AKAP10: variants seen among roughly 807,000 people sequenced by gnomAD.
The protein encoded by AKAP10 is A-kinase anchoring protein 10.
A neutral mutation model predicts 80.8 loss-of-function variants in AKAP10; 24 were observed. The ratio of observed to expected loss-of-function variants is 0.30; its 90% CI spans 0.22 to 0.42. The LOEUF is 0.42. Ranked by LOEUF, AKAP10 falls within the 10% of genes least tolerant of loss-of-function variation. The pLI, the probability that AKAP10 is intolerant of heterozygous loss-of-function variation, is 1.00. For synonymous variants in AKAP10, 291 were observed against 277.7 expected (o/e 1.05, Z -0.48); for missense variants, 661 against 794.9 (o/e 0.83, Z 2.03).
In AKAP10 at chr17:19,940,887, C is replaced by T; in HGVS notation, c.1185G>A (p.Glu395=). Residue 395 remains glutamate (E), a splice_region_variant and synonymous_variant, in exon 7 of 15, where the codon GAG becomes GAA. Coordinates refer to ENST00000225737, the MANE Select transcript of AKAP10 (RefSeq NM_007202.4). ...GTGTGAAAAGAAATGCAGACTTTAC[C>T]TCAGAGAAATAAAAGAGGGCTGACT... The part of the protein sequence containing the change: ...FCESALFYFS[E]YMEKEDAVNI... 6.3e-7 allele frequency: 1 copy of T among 1,597,426 alleles called. No individual in the cohort carries two copies. Among genetic ancestry groups the T allele is most frequent in the Non-Finnish European group, 8.5e-7 (1 of 1,175,002 alleles).
chr17:19,913,105 G>A lies in AKAP10; in HGVS notation c.1835-3127C>T, dbSNP rs556200764. ...TGATTCTCCTCCCTCAGCCTCCCTA[G>A]TAGCTGGGATTACAGGTACTCGTAC... On this transcript the variant is annotated intron_variant, in intron 12 of 14. Transcript: ENST00000225737. Among the ~76,000 whole-genome samples the A allele has an allele frequency of 2.0e-5, 3 of 148,264 alleles. No individual in the cohort carries two copies. In the East Asian group the frequency reaches 6.0e-4, roughly 30 times the overall value.
At chr17:19,976,613 A>C (rs910231356) in intron 1 of AKAP10, among the ~76,000 whole-genome samples, 7 of 151,842 alleles carry the variant, frequency 4.6e-5, no homozygotes, top group Admixed American at 1.3e-4. Flanking sequence ...TCCGCCTCCC[A>C]GGTTCAAGCG....
intron 4 of AKAP10, among the ~76,000 whole-genome samples, chr17:19,953,541 A>T (rs1699482310): frequency 6.6e-6 from 1 of 152,178 alleles, no homozygotes; most frequent in Admixed American, 6.5e-5. Context: ...AACACCAGGA[A>T]TAAAAGAGGG....
chr17:19,955,632 C>A (rs1244434508), intron 4 of AKAP10, among the ~76,000 whole-genome samples: 1 of 151,990 alleles, frequency 6.6e-6, no homozygotes, highest in African/African-American at 2.4e-5. Flanking sequence ...GTCAGGAGTT[C>A]AAGACCAGCC....
intron 10 of AKAP10, 112 bp from the exon 11 acceptor site, chr17:19,924,629 C>T (rs866144415): frequency 1.8e-6 from 1 of 553,854 alleles, no homozygotes; most frequent in Non-Finnish European, 3.1e-6. Context: ...GTAACTTTCA[C>T]TCAACCTCAT....
chr17:19,943,064 A>C (rs1048114558), intron 5 of AKAP10, among the ~76,000 whole-genome samples: 1 of 152,028 alleles, frequency 6.6e-6, no homozygotes, highest in Admixed American at 6.5e-5. Context: ...GCCAATTTTT[A>C]AATTTTTTGT....
At chr17:19,922,840 C>T (rs1164521425) in intron 11 of AKAP10, among the ~76,000 whole-genome samples, 1 of 152,176 alleles carries the variant, frequency 6.6e-6, no homozygotes, top group Non-Finnish European at 1.5e-5. Context: ...ACAGAGGTTG[C>T]AGAGAGCTGA....
At chr17:19,940,486 T>C (rs1340619387) in intron 7 of AKAP10, among the ~76,000 whole-genome samples, 1 of 152,194 alleles carries the variant, frequency 6.6e-6, no homozygotes, top group Non-Finnish European at 1.5e-5. Flanking sequence ...GCTTCTTCAC[T>C]GGGCAATCCT....
chr17:19,963,069 C>A (rs1244924831), intron 2 of AKAP10, 47 bp from the exon 3 acceptor site: 1 of 1,476,084 alleles, frequency 6.8e-7, no homozygotes, highest in Admixed American at 2.0e-5. Context: ...AATTTGATAG[C>A]CTAAAACTCT....
At chr17:19,967,643 G>A (rs575673219) in intron 2 of AKAP10, among the ~76,000 whole-genome samples, 2 of 152,334 alleles carry the variant, frequency 1.3e-5, no homozygotes, top group African/African-American at 2.4e-5. Context: ...AGGACTTTGG[G>A]AGGCCAAGGC....
Position 19,977,633 on chromosome 17 carries a change from C to A in AKAP10, c.47G>T (p.Arg16Leu), listed in dbSNP as rs2043589637. The A allele has an allele frequency of 1.6e-6, 2 of 1,235,240 alleles. No individual in the cohort carries two copies. The highest frequency in any genetic ancestry group is 2.0e-6 in the Non-Finnish European group (2 of 987,938). The allele number at this position is 1,235,240 out of a possible 1,614,324, so 76.5% of individuals were successfully genotyped here. A position where few individuals can be genotyped will look rare whatever the true frequency, so the allele number is the denominator to read the frequency against. ...GGACATGGCGGGGCCCGGGTCGGGA[C>A]GGAGGGTGCGGGGGGACTGGCGCGG... is the stretch of plus-strand genomic sequence containing the variant. ...PSPRQSPRTL[R>L]PDPGPAMSFF... Residue 16 changes from arginine (R) to leucine (L), a missense_variant, in exon 1 of 15, where the codon CGT becomes CTT. Physicochemically the swap from Arg to Leu is moderately radical, Grantham distance 102. Transcript: ENST00000225737.
chr17:19,925,557 G>T (rs28581607), intron 10 of AKAP10, among the ~76,000 whole-genome samples: 10,285 of 152,128 alleles, frequency 0.068, 1,027 homozygotes, highest in African/African-American at 0.22. Flanking sequence ...GTTACAGAGA[G>T]ACTTATATTG....
Position 19,969,219 on chromosome 17 carries a change from A to T in AKAP10, c.89-758T>A, listed in dbSNP as rs1324292293. The stretch of plus-strand genomic sequence containing the variant: ...CAATGAGCTGGGTGTGGTGGCGGAC[A>T]CCTGTAAGCCCAGCTACTTGGGAGG... On this transcript the variant is annotated intron_variant, in intron 1 of 14. Transcript: ENST00000225737. 7.2e-5 allele frequency among the ~76,000 whole-genome samples: 11 copies of T among 152,180 alleles called. No homozygotes were observed. The East Asian group carries it at 2.1e-3, about 29-fold the overall frequency.
chr17:19,948,752 G>A (rs558042061), intron 4 of AKAP10, among the ~76,000 whole-genome samples: 3 of 152,214 alleles, frequency 2.0e-5, no homozygotes, highest in South Asian at 4.2e-4. Context: ...GGGGCCACTC[G>A]TGAGCTGGGT....
chr17:19,972,170 T>A (rs1386158116), intron 1 of AKAP10, among the ~76,000 whole-genome samples: 1 of 152,254 alleles, frequency 6.6e-6, no homozygotes, highest in Non-Finnish European at 1.5e-5. Context: ...TGCACTCATA[T>A]AGCCATGCTT....
At chr17:19,945,202 A>G (rs1333430132) in intron 5 of AKAP10, among the ~76,000 whole-genome samples, 7 of 151,490 alleles carry the variant, frequency 4.6e-5, no homozygotes, top group Non-Finnish European at 1.0e-4. Flanking sequence ...TTACATCATC[A>G]TTAATTTGAT....
At chr17:19,964,521 A>C (rs1322399505) in intron 2 of AKAP10, among the ~76,000 whole-genome samples, 2 of 152,126 alleles carry the variant, frequency 1.3e-5, no homozygotes, top group African/African-American at 4.8e-5. Flanking sequence ...ATTTACTCTC[A>C]AATCTTTAAT....
Position 19,925,819 on chromosome 17 carries a change from C to G in AKAP10, c.1642-1302G>C, listed in dbSNP as rs181788144. ...ACCAGAATAAAGAGGGAATATTTCC[C>G]AACTAATTCTATGAGGACTGTTACT... is the stretch of plus-strand genomic sequence containing the variant. On this transcript the variant is annotated intron_variant, in intron 10 of 14. Coordinates refer to ENST00000225737, the MANE Select transcript of AKAP10 (RefSeq NM_007202.4). 8.5e-5 allele frequency among the ~76,000 whole-genome samples: 13 copies of G among 152,104 alleles called. No individual in the cohort carries two copies. In the East Asian group the frequency reaches 2.5e-3, roughly 29 times the overall value.
intron 2 of AKAP10, among the ~76,000 whole-genome samples, chr17:19,965,109 GACTTTACCATC>G (rs1385133901): frequency 6.6e-6 from 1 of 152,096 alleles, no homozygotes; most frequent in Non-Finnish European, 1.5e-5. Flanking sequence ...CACCCACATT[GACTTTACCATC>G]TCAAGCACAA....
Sources: allele counts gnomAD v4.1 joint callset (sites outside exome capture counted in the v4.1 genomes callset), GRCh38; gene constraint gnomAD v4.1.1; transcripts MANE v1.5; gene names NCBI Gene and HGNC (gene_info 2026-07-23, HGNC 2026-07-21).